Variants in STK26 observed in about 807,000 individuals in gnomAD.
The protein encoded by STK26 is serine/threonine-protein kinase 26.
STK26 carries 14 observed loss-of-function variants against 34.7 expected under a neutral mutation model. The observed-to-expected ratio is 0.40, with a 90% CI of 0.27 to 0.63. The LOEUF (loss-of-function observed/expected upper bound fraction) is 0.63. STK26 is among the 30% of genes least tolerant of loss of function. The pLI, the probability that STK26 is intolerant of heterozygous loss-of-function variation, is 0.38. For synonymous variants in STK26, 100 were observed against 109.8 expected (o/e 0.91, Z 0.56); for missense variants, 226 against 309.1 (o/e 0.73, Z 2.02).
intron 2 of STK26, among the ~76,000 whole-genome samples, chrX:132,040,264 T>TA (rs1926215115): frequency 8.9e-6 from 1 of 112,685 alleles, no homozygotes; most frequent in East Asian, 2.8e-4. Flanking sequence ...GAATTGCTGA[T>TA]GTAAAGAAAG....
chrX:132,068,647 C>A, intron 6 of STK26, 78 bp downstream of exon 6: 1 of 950,875 alleles, frequency 1.1e-6, no homozygotes, highest in Non-Finnish European at 1.4e-6. Flanking sequence ...TAATACACTG[C>A]CTTATTTTTC....
Position 132,068,573 on chromosome X carries a change from A to G in STK26, c.597+4A>G, listed in dbSNP as rs762483989. On this transcript the variant is annotated splice_donor_region_variant and intron_variant, in intron 6 of 11. Coordinates refer to ENST00000394334, the MANE Select transcript of STK26 (RefSeq NM_016542.4). ...ACAGTCAGCTTATGACTCAAAAGTA[A>G]AGTATTACCTGTACAAACTGTTTTG... is the stretch of plus-strand genomic sequence containing the variant. 1.7e-6 allele frequency: 2 copies of G among 1,204,472 alleles called. No homozygotes were observed. Among genetic ancestry groups the G allele is most frequent in the Admixed American group, 4.5e-5 (2 of 44,889 alleles).
At chrX:132,071,357 T>C in intron 8 of STK26, 140 bp downstream of exon 8, 1 of 702,428 alleles carries the variant, frequency 1.4e-6, no homozygotes, top group Non-Finnish European at 2.1e-6. Context: ...TAAAAATCTT[T>C]TTCAATCACA....
At chrX:132,029,780 G>A (rs752319051) in intron 2 of STK26, among the ~76,000 whole-genome samples, 1 of 110,918 alleles carries the variant, frequency 9.0e-6, no homozygotes, top group African/African-American at 3.3e-5. Flanking sequence ...AATGTCCCAG[G>A]CTATAGAAAT....
intron 2 of STK26, among the ~76,000 whole-genome samples, chrX:132,030,638 C>A (rs1296151835): frequency 9.1e-6 from 1 of 109,561 alleles, no homozygotes; most frequent in Non-Finnish European, 1.9e-5. Flanking sequence ...TGACAAAGTT[C>A]TGTGTTCTGA....
chrX:132,069,436 TATATATATATATA>T, intron 6 of STK26, 29 bp from the exon 7 acceptor site: 2 of 144,832 alleles, frequency 1.4e-5, no homozygotes, highest in Admixed American at 1.0e-4. Flanking sequence ...TATATATATA[TATATATATATATA>T]TATTATTTTC....
intron 4 of STK26, among the ~76,000 whole-genome samples, chrX:132,066,478 C>G (rs189329775): frequency 1.0e-3 from 113 of 111,796 alleles, no homozygotes; most frequent in African/African-American, 3.3e-3. Flanking sequence ...GCAAATTACA[C>G]AAGGCAAGTA....
chrX:132,048,702 A>T (rs1008831462), intron 2 of STK26, among the ~76,000 whole-genome samples: 4 of 111,818 alleles, frequency 3.6e-5, no homozygotes, highest in Non-Finnish European at 7.5e-5. Flanking sequence ...ATTTTAACAT[A>T]AATGGCCTTA....
At chrX:132,034,292 CTTTTTTTTTTTTTTTTTTT>C (rs561602079) in intron 2 of STK26, among the ~76,000 whole-genome samples, 1 of 41,379 alleles carries the variant, frequency 2.4e-5, no homozygotes, top group East Asian at 1.1e-3. Flanking sequence ...GACATTTATT[CTTTTTTTTTTTTTTTTTTT>C]TTTTTTTTTT....
At chrX:132,026,365 A>AT (rs755478802) in intron 2 of STK26, among the ~76,000 whole-genome samples, 1 of 112,006 alleles carries the variant, frequency 8.9e-6, no homozygotes, top group African/African-American at 3.2e-5. Flanking sequence ...GGTAACGAAC[A>AT]TTTTTTGCCA....
At chrX:132,039,211 T>C (rs1926173375) in intron 2 of STK26, among the ~76,000 whole-genome samples, 1 of 111,264 alleles carries the variant, frequency 9.0e-6, no homozygotes, top group African/African-American at 3.3e-5. Context: ...ACAATATAGG[T>C]GTGATCTTGG....
Position 132,060,590 on chromosome X carries a change from G to T in STK26, c.274-2843G>T, listed in dbSNP as rs184391798. On this transcript the variant is annotated intron_variant, in intron 3 of 11. Transcript: ENST00000394334. ...GTTTTTTTTGTTTGTTTGTTTTTTGGGTGGTTTTTTTTTTGTTTTGTTTTT... is the reference window on the plus strand; with the variant it reads ...GTTTTTTTTGTTTGTTTGTTTTTTGTGTGGTTTTTTTTTTGTTTTGTTTTT... Among the ~76,000 whole-genome samples, 244 of 108,989 alleles carry T rather than the reference G, an allele frequency of 2.2e-3. 1 individual carries two copies. Among genetic ancestry groups the T allele is most frequent in the African/African-American group, 7.7e-3 (232 of 29,989 alleles). 94.6% of individuals were successfully genotyped at this position (108,989 alleles called of 115,157 possible).
At chrX:132,070,042 C>A (rs767358920) in intron 7 of STK26, among the ~76,000 whole-genome samples, 9 of 109,695 alleles carry the variant, frequency 8.2e-5, no homozygotes, top group African/African-American at 3.0e-4. Context: ...TTGGGTTTAA[C>A]TATTTTTTTT....
At chrX:132,069,763 A>G in intron 7 of STK26, 100 bp downstream of exon 7, 1 of 511,742 alleles carries the variant, frequency 2.0e-6, no homozygotes. Flanking sequence ...TGTATGTGAG[A>G]ATTGTCTAAG....
At chrX:132,037,040 G>T (rs1047888278) in intron 2 of STK26, among the ~76,000 whole-genome samples, 1 of 111,865 alleles carries the variant, frequency 8.9e-6, no homozygotes, top group African/African-American at 3.2e-5. Context: ...TGAATTAAGA[G>T]AAATCAATGT....
intron 3 of STK26, among the ~76,000 whole-genome samples, chrX:132,060,712 T>C (rs1210086119): frequency 9.2e-6 from 1 of 108,497 alleles, no homozygotes; most frequent in Non-Finnish European, 1.9e-5. Flanking sequence ...ACCTCCCAGG[T>C]TCAATTGATC....
intron 2 of STK26, among the ~76,000 whole-genome samples, chrX:132,036,773 G>A (rs1348156401): frequency 8.9e-6 from 1 of 111,759 alleles, no homozygotes; most frequent in African/African-American, 3.3e-5. Context: ...ATGGGTAGAT[G>A]AATGAATGTA....
Position 132,068,531 on chromosome X carries a change from G to A in STK26, c.559G>A (p.Ala187Thr). Reference sequence around the variant, plus strand: ...CTTTGTGGGAACTCCATTTTGGATGGCTCCTGAAGTTATTCAACAGTCAGC... The same window carrying A: ...CTTTGTGGGAACTCCATTTTGGATGACTCCTGAAGTTATTCAACAGTCAGC... Reference protein sequence around the residue: ...NTFVGTPFWMAPEVIQQSAYD... With the variant: ...NTFVGTPFWMTPEVIQQSAYD... The change falls in exon 6 of 12, where the codon GCT (alanine) becomes ACT (threonine). Residue 187 changes from alanine to threonine, a missense_variant. Ala to Thr is a moderately conservative substitution (Grantham distance 58). Around this residue, in one of 2 missense-constraint regions of STK26, gnomAD observed 100 missense variants for 176.7 expected, o/e 0.57. Coordinates refer to ENST00000394334, the MANE Select transcript of STK26 (RefSeq NM_016542.4). The A allele has an allele frequency of 8.3e-7, 1 of 1,210,363 alleles. No homozygotes were observed.
chrX:132,060,324 G>A (rs1927004702), intron 3 of STK26, among the ~76,000 whole-genome samples: 1 of 111,419 alleles, frequency 9.0e-6, no homozygotes, highest in South Asian at 3.8e-4. Context: ...GAATGATTTT[G>A]ATAGGGGTTG....
Sources: gnomAD v4.1 joint callset for allele counts (sites outside exome capture counted in the v4.1 genomes callset) on GRCh38, gnomAD v4.1.1 for gene constraint, gnomAD v4.1.1 regional missense constraint, MANE v1.5 for transcripts, NCBI Gene and HGNC (gene_info 2026-07-23, HGNC 2026-07-21) for gene names.